Variants in PARD3 observed in about 807,000 individuals in gnomAD.
PARD3 encodes partitioning defective 3 homolog.
In PARD3, 75 loss-of-function variants were observed where a neutral mutation model predicts 155.4. That is an observed-to-expected ratio of 0.48 (90% CI 0.40 to 0.58). The LOEUF (loss-of-function observed/expected upper bound fraction) is 0.58. Among genes scored for constraint, PARD3 ranks in the 20% least tolerant of loss-of-function variants. The probability of loss-of-function intolerance (pLI) is 0.00; values close to 1 mark genes in which losing one functional copy is unlikely to be tolerated. For synonymous variants in PARD3, 576 were observed against 610.5 expected (o/e 0.94, Z 0.83); for missense variants, 1,642 against 1,721.7 (o/e 0.95, Z 0.82).
chr10:34,544,730 G>A (rs1186929074), intron 2 of PARD3, among the ~76,000 whole-genome samples: 5 of 152,126 alleles, frequency 3.3e-5, no homozygotes. Flanking sequence ...GAGAATAAAG[G>A]ACAAGAACAA....
chr10:34,239,522 C>G (rs543339645), intron 22 of PARD3, among the ~76,000 whole-genome samples: 1 of 152,186 alleles, frequency 6.6e-6, no homozygotes, highest in East Asian at 1.9e-4. Flanking sequence ...TGTTTGTGGG[C>G]CTGGTATGGT....
chr10:34,357,099 G>A (rs1838965854), intron 14 of PARD3, among the ~76,000 whole-genome samples: 1 of 152,102 alleles, frequency 6.6e-6, no homozygotes. Flanking sequence ...CTCTTACAGG[G>A]AATAAAATCA....
At chr10:34,472,918 C>T (rs1446178151) in intron 3 of PARD3, among the ~76,000 whole-genome samples, 1 of 152,176 alleles carries the variant, frequency 6.6e-6, no homozygotes, top group East Asian at 1.9e-4. Flanking sequence ...AGATTAGACA[C>T]AAACATTGTG....
At chr10:34,480,794 C>CTTTTTTTTT (rs61461165) in intron 3 of PARD3, among the ~76,000 whole-genome samples, 16 of 125,756 alleles carry the variant, frequency 1.3e-4, no homozygotes, top group African/African-American at 2.4e-4. Context: ...GTTTCTTTTT[C>CTTTTTTTTT]TTTTTTTTTT....
At chr10:34,529,520 A>AC (rs989384981) in intron 2 of PARD3, among the ~76,000 whole-genome samples, 3 of 152,010 alleles carry the variant, frequency 2.0e-5, no homozygotes, top group Non-Finnish European at 4.4e-5. Context: ...AGGGATGCAA[A>AC]CCCCCCACAC....
At chr10:34,341,118 G>GC (rs1836769639) in intron 16 of PARD3, among the ~76,000 whole-genome samples, 1 of 149,382 alleles carries the variant, frequency 6.7e-6, no homozygotes, top group Non-Finnish European at 1.5e-5. Flanking sequence ...AGCAGGGAGT[G>GC]CCCCAGAAGT....
At chr10:34,366,265 C>T (rs1839957732) in intron 12 of PARD3, among the ~76,000 whole-genome samples, 1 of 152,158 alleles carries the variant, frequency 6.6e-6, no homozygotes, top group Admixed American at 6.5e-5. Context: ...ATAAGATATT[C>T]AACACTTTAT....
At chr10:34,475,376 A>C (rs1005123255) in intron 3 of PARD3, among the ~76,000 whole-genome samples, 3 of 152,210 alleles carry the variant, frequency 2.0e-5, no homozygotes, top group Non-Finnish European at 4.4e-5. Flanking sequence ...AAGTATATAA[A>C]GGAAAAACAG....
At chr10:34,690,069 A>C in intron 2 of PARD3, among the ~76,000 whole-genome samples, 1 of 152,012 alleles carries the variant, frequency 6.6e-6, no homozygotes, top group East Asian at 1.9e-4. Context: ...TCAGCCTCCC[A>C]AGTAGCTGGG....
intron 22 of PARD3, among the ~76,000 whole-genome samples, chr10:34,138,118 G>T (rs1947997969): frequency 2.0e-5 from 3 of 152,170 alleles, no homozygotes. Context: ...TAGAAGAGTG[G>T]AATCAAAGAC....
chr10:34,684,615 C>A (rs994613152), intron 2 of PARD3, among the ~76,000 whole-genome samples: 9 of 152,080 alleles, frequency 5.9e-5, no homozygotes, highest in African/African-American at 2.2e-4. Flanking sequence ...GCATTCGAAT[C>A]CTGGTTCCAG....
At chr10:34,137,566 A>G (rs751037189) in intron 22 of PARD3, among the ~76,000 whole-genome samples, 3 of 152,250 alleles carry the variant, frequency 2.0e-5, no homozygotes, top group Non-Finnish European at 4.4e-5. Context: ...AGCAAAAGAA[A>G]ACGAACACTC....
intron 5 of PARD3, among the ~76,000 whole-genome samples, chr10:34,439,439 T>G (rs1213740205): frequency 2.6e-5 from 4 of 152,008 alleles, no homozygotes; most frequent in Non-Finnish European, 5.9e-5. Context: ...AGTTATGTAT[T>G]AAAAATAAAA....
At chr10:34,594,784 T>A (rs2089089173) in intron 2 of PARD3, among the ~76,000 whole-genome samples, 1 of 151,984 alleles carries the variant, frequency 6.6e-6, no homozygotes, top group Non-Finnish European at 1.5e-5. Context: ...GCAAACATCA[T>A]ACCACTGCAC....
intron 22 of PARD3, among the ~76,000 whole-genome samples, chr10:34,232,356 C>T (rs568616922): frequency 2.0e-4 from 30 of 152,208 alleles, no homozygotes; most frequent in African/African-American, 6.5e-4. Flanking sequence ...GTCACAGTAA[C>T]ATCTCTGCTC....
intron 5 of PARD3, among the ~76,000 whole-genome samples, chr10:34,448,850 T>C (rs2132761527): frequency 6.6e-6 from 1 of 151,466 alleles, no homozygotes; most frequent in East Asian, 1.9e-4. Context: ...GCCAACAGAA[T>C]AGATCTCAAG....
rs774482376 is a variant in PARD3 at position 34,531,033 on chromosome 10, T to C, written c.223-13874A>G. ...AGTGTTCCCAGTGTCCAGGCCTTTA[T>C]GTTGTGCAATCAAAAGATTGGCAGC... On this transcript the variant is annotated intron_variant, in intron 2 of 24. Coordinates refer to ENST00000374788, the MANE Select transcript of PARD3 (RefSeq NM_001184785.2). 5.9e-5 allele frequency among the ~76,000 whole-genome samples: 9 copies of C among 152,194 alleles called. No homozygotes were observed. In the South Asian group the frequency reaches 8.3e-4, roughly 14 times the overall value.
At chr10:34,285,121 G>T (rs967066123) in intron 20 of PARD3, among the ~76,000 whole-genome samples, 1 of 152,082 alleles carries the variant, frequency 6.6e-6, no homozygotes. Context: ...AGCAATCTTT[G>T]TCTGTAATGC....
At chr10:34,142,664 A>C (rs1948255170) in intron 22 of PARD3, among the ~76,000 whole-genome samples, 1 of 152,052 alleles carries the variant, frequency 6.6e-6, no homozygotes, top group Non-Finnish European at 1.5e-5. Context: ...GGAAGGCAGG[A>C]AGGCAGGAAG....
Sources: allele counts gnomAD v4.1 joint callset (sites outside exome capture counted in the v4.1 genomes callset), GRCh38; gene constraint gnomAD v4.1.1; transcripts MANE v1.5; gene names NCBI Gene and HGNC (gene_info 2026-07-23, HGNC 2026-07-21).